The following FGF14 variants were observed in gnomAD, a reference collection of about 807,000 sequenced individuals.
FGF14 encodes fibroblast growth factor homologous factor 4.
Under a neutral mutation model 25.5 loss-of-function variants are expected in FGF14, and 5 were observed. The observed-to-expected ratio is 0.20, with a 90% CI of 0.10 to 0.41. FGF14 has a LOEUF of 0.41. Ranked by LOEUF, FGF14 falls within the 10% of genes least tolerant of loss-of-function variation. The pLI is 1.00. For synonymous variants in FGF14, 138 were observed against 118.3 expected, an observed-to-expected ratio of 1.17 and a Z score of -1.08; for missense variants, 222 against 320.1, an observed-to-expected ratio of 0.69 and a Z score of 2.34.
chr13:102,037,978 A>T (rs1285492904), intron 1 of FGF14, among the ~76,000 whole-genome samples: 1 of 152,188 alleles, frequency 6.6e-6, no homozygotes, highest in Non-Finnish European at 1.5e-5. Context: ...TGTAAATGAG[A>T]TACGAATATG....
At chr13:102,137,188 A>C (rs2046449803) in intron 1 of FGF14, among the ~76,000 whole-genome samples, 1 of 152,182 alleles carries the variant, frequency 6.6e-6, no homozygotes, top group Admixed American at 6.5e-5. Context: ...TTTTCCAGTG[A>C]TCACAATATA....
chr13:101,815,733 C>T (rs1440843114), intron 3 of FGF14, among the ~76,000 whole-genome samples: 6 of 152,028 alleles, frequency 3.9e-5, no homozygotes, highest in African/African-American at 2.4e-5. Flanking sequence ...TAATACCCCC[C>T]CACCCCATGT....
intron 1 of FGF14, among the ~76,000 whole-genome samples, chr13:101,973,504 T>C (rs1566517677): frequency 6.6e-6 from 1 of 152,122 alleles, no homozygotes; most frequent in Non-Finnish European, 1.5e-5. Flanking sequence ...TTATTAAGAA[T>C]TAACTCACAC....
chr13:102,374,642 TTTTATATATATATATA>T (rs1264839006), intron 1 of FGF14, among the ~76,000 whole-genome samples: 5 of 95,650 alleles, frequency 5.2e-5, no homozygotes, highest in African/African-American at 1.5e-4. Context: ...ATCTTACATA[TTTTATATATATATATA>T]TATATATATA....
At chr13:102,060,701 G>A (rs1426076572) in intron 1 of FGF14, among the ~76,000 whole-genome samples, 1 of 152,176 alleles carries the variant, frequency 6.6e-6, no homozygotes, top group Admixed American at 6.5e-5. Flanking sequence ...TGATACAGGA[G>A]TTGGGGGAGC....
intron 1 of FGF14, among the ~76,000 whole-genome samples, chr13:102,139,660 C>T (rs749652534): frequency 6.6e-6 from 1 of 152,024 alleles, no homozygotes; most frequent in Non-Finnish European, 1.5e-5. Flanking sequence ...TTAGAATAGG[C>T]TCTTAATTCC....
At chr13:102,126,921 G>T (rs1033485044) in intron 1 of FGF14, among the ~76,000 whole-genome samples, 1 of 152,094 alleles carries the variant, frequency 6.6e-6, no homozygotes, top group Admixed American at 6.6e-5. Context: ...ACCTAAAGAA[G>T]ATTTAACTGT....
chr13:101,777,306 T>G (rs2039185617), intron 3 of FGF14, among the ~76,000 whole-genome samples: 2 of 152,152 alleles, frequency 1.3e-5, no homozygotes, highest in Non-Finnish European at 2.9e-5. Context: ...CAAACTTCTT[T>G]TGTTATAAGA....
At chr13:101,914,382 T>C (rs930800262) in intron 1 of FGF14, among the ~76,000 whole-genome samples, 7 of 151,872 alleles carry the variant, frequency 4.6e-5, no homozygotes, top group Non-Finnish European at 1.0e-4. Context: ...TATACTTTTA[T>C]ATAAGAAATA....
intron 1 of FGF14, among the ~76,000 whole-genome samples, chr13:102,318,336 C>A (rs1250840532): frequency 1.3e-5 from 2 of 152,166 alleles, no homozygotes; most frequent in African/African-American, 2.4e-5. Context: ...CCCACCCTAC[C>A]CAAACTGGGC....
At chr13:102,191,986 T>C (rs961590523) in intron 1 of FGF14, among the ~76,000 whole-genome samples, 1 of 152,198 alleles carries the variant, frequency 6.6e-6, no homozygotes, top group Non-Finnish European at 1.5e-5. Flanking sequence ...AGTCTCAAGA[T>C]ATCTCTTTTT....
chr13:102,236,933 T>C (rs2051355029), intron 1 of FGF14, among the ~76,000 whole-genome samples: 1 of 152,002 alleles, frequency 6.6e-6, no homozygotes, highest in African/African-American at 2.4e-5. Flanking sequence ...AGGAGGGGAC[T>C]GGAAAGGCGC....
rs149534829 is a variant in FGF14 at position 101,949,823 on chromosome 13, C to T, written c.209-74527G>A. On this transcript the variant is annotated intron_variant, in intron 1 of 4. Coordinates refer to the FGF14 transcript ENST00000376131. ...ATATGCTCAACTCCAGGGAATGAAA[C>T]ACAGCTGCTCTAAGCCAACCATGGC... 3.6e-4 allele frequency among the ~76,000 whole-genome samples: 55 copies of T among 152,260 alleles called. 1 individual carries two copies. Among genetic ancestry groups the T allele is most frequent in the African/African-American group, 1.2e-3 (51 of 41,560 alleles).
chr13:102,015,899 GCTAT>G (rs145811819), intron 1 of FGF14, among the ~76,000 whole-genome samples: 3,117 of 152,082 alleles, frequency 0.02, 93 homozygotes, highest in African/African-American at 0.069. Flanking sequence ...CAAGTTTTGT[GCTAT>G]CTATTAAAAA....
intron 1 of FGF14, among the ~76,000 whole-genome samples, chr13:102,063,615 C>CAA (rs56352155): frequency 1.5e-4 from 20 of 136,782 alleles, no homozygotes; most frequent in African/African-American, 2.9e-4. Context: ...GACTCTGTCT[C>CAA]AAAAAAAAAA....
intron 1 of FGF14, among the ~76,000 whole-genome samples, chr13:102,336,258 C>A (rs528563531): frequency 6.6e-6 from 1 of 152,176 alleles, no homozygotes; most frequent in South Asian, 2.1e-4. Flanking sequence ...GCTACTCCAG[C>A]GAACACATGA....
chr13:102,400,293 C>T lies in FGF14; in HGVS notation c.208+1178G>A, dbSNP rs894942229. ...CCGCAGTGCCAGCGTCAGGAGCTTC[C>T]AGAGCCCGGGCTGCCACTGCGGGAC... On this transcript the variant is annotated intron_variant, in intron 1 of 4. Coordinates refer to the FGF14 transcript ENST00000376131. The surrounding 1 kb of genome is among the most constrained non-coding windows in gnomAD (Gnocchi z 4.3). 6.6e-6 allele frequency among the ~76,000 whole-genome samples: 1 copy of T among 152,192 alleles called. No individual in the cohort carries two copies. Among genetic ancestry groups the T allele is most frequent in the Non-Finnish European group, 1.5e-5 (1 of 68,034 alleles).
intron 1 of FGF14, among the ~76,000 whole-genome samples, chr13:102,214,034 T>C (rs1037296351): frequency 1.4e-4 from 22 of 152,242 alleles, no homozygotes; most frequent in Admixed American, 3.9e-4. Flanking sequence ...GCCCCTCTCC[T>C]GAAATGACTG....
At chr13:102,357,169 A>T (rs2057442518) in intron 1 of FGF14, among the ~76,000 whole-genome samples, 1 of 150,820 alleles carries the variant, frequency 6.6e-6, no homozygotes, top group African/African-American at 2.4e-5. Flanking sequence ...ATCATGGTAA[A>T]CTCCTCACAT....
Sources: gnomAD v4.1 joint callset for allele counts (sites outside exome capture counted in the v4.1 genomes callset) on GRCh38, gnomAD v4.1.1 for gene constraint, Gnocchi (gnomAD v3.1) non-coding constraint, MANE v1.5 for transcripts, NCBI Gene and HGNC (gene_info 2026-07-23, HGNC 2026-07-21) for gene names.